Variants in KCNJ6 observed in about 807,000 individuals in gnomAD.
The protein encoded by KCNJ6 is potassium inwardly rectifying channel subfamily J member 6.
A neutral mutation model predicts 34.2 loss-of-function variants in KCNJ6; 9 were observed. The ratio of observed to expected loss-of-function variants is 0.26; its 90% CI spans 0.16 to 0.46. The LOEUF (loss-of-function observed/expected upper bound fraction) is 0.46. Ranked by LOEUF, KCNJ6 falls within the 20% of genes least tolerant of loss-of-function variation. The pLI is 1.00. For synonymous variants in KCNJ6, 196 were observed against 207.1 expected, an observed-to-expected ratio of 0.95 and a Z score of 0.46; for missense variants, 236 against 531.3, an observed-to-expected ratio of 0.44 and a Z score of 5.46.
At chr21:37,702,320 G>A (rs773454987) in intron 3 of KCNJ6, among the ~76,000 whole-genome samples, 3 of 150,032 alleles carry the variant, frequency 2.0e-5, no homozygotes, top group South Asian at 2.1e-4. Context: ...CCAGTTGAAC[G>A]TCACGGCCTC....
intron 1 of KCNJ6, among the ~76,000 whole-genome samples, chr21:37,900,488 G>A (rs910585006): frequency 6.6e-6 from 1 of 152,202 alleles, no homozygotes; most frequent in Non-Finnish European, 1.5e-5. Flanking sequence ...TATTGCAGGA[G>A]ACAGAAAATA....
intron 2 of KCNJ6, among the ~76,000 whole-genome samples, chr21:37,768,679 G>T (rs1290872469): frequency 6.6e-6 from 1 of 152,140 alleles, no homozygotes; most frequent in East Asian, 1.9e-4. Flanking sequence ...CTTAGATGTA[G>T]CTATCATTAT....
chr21:37,832,017 C>T (rs575536349), intron 2 of KCNJ6, among the ~76,000 whole-genome samples: 2 of 152,176 alleles, frequency 1.3e-5, no homozygotes, highest in South Asian at 2.1e-4. Flanking sequence ...CCCAAACCTC[C>T]TTTATAAAGG....
At chr21:37,638,254 C>G (rs1204834248) in intron 3 of KCNJ6, among the ~76,000 whole-genome samples, 1 of 152,202 alleles carries the variant, frequency 6.6e-6, no homozygotes, top group Non-Finnish European at 1.5e-5. Context: ...TCAAGTGATT[C>G]TCCTGCCTCA....
At chr21:37,784,617 A>C (rs1418590253) in intron 2 of KCNJ6, among the ~76,000 whole-genome samples, 1 of 152,160 alleles carries the variant, frequency 6.6e-6, no homozygotes, top group Non-Finnish European at 1.5e-5. Context: ...ATGAGCTTGC[A>C]AACTGTCACA....
chr21:37,873,570 CT>C (rs1200607313), intron 1 of KCNJ6, among the ~76,000 whole-genome samples: 2 of 152,200 alleles, frequency 1.3e-5, no homozygotes, highest in African/African-American at 4.8e-5. Context: ...CTCGTCTAGG[CT>C]TGGTGTCTTT....
At chr21:37,700,460 C>T (rs1225529231) in intron 3 of KCNJ6, among the ~76,000 whole-genome samples, 1 of 152,200 alleles carries the variant, frequency 6.6e-6, no homozygotes, top group Admixed American at 6.5e-5. Context: ...TGGTTGGTCT[C>T]TATTCTCTAG....
chr21:37,778,650 A>T (rs1410837288), intron 2 of KCNJ6, among the ~76,000 whole-genome samples: 3 of 150,934 alleles, frequency 2.0e-5, no homozygotes, highest in Non-Finnish European at 4.4e-5. Context: ...AGGTCCCTGG[A>T]CTCTGGCCCC....
chr21:37,896,095 A>G (rs538398220), intron 1 of KCNJ6, among the ~76,000 whole-genome samples: 34 of 152,298 alleles, frequency 2.2e-4, no homozygotes, highest in African/African-American at 7.2e-4. Context: ...GTCGGAAGGA[A>G]GAGGTGAGAA....
intron 1 of KCNJ6, among the ~76,000 whole-genome samples, chr21:37,891,068 G>A (rs2055759755): frequency 6.6e-6 from 1 of 152,172 alleles, no homozygotes; most frequent in Admixed American, 6.5e-5. Flanking sequence ...ACTGTACGAT[G>A]CTCACCTACC....
intron 2 of KCNJ6, among the ~76,000 whole-genome samples, chr21:37,837,866 T>C (rs1179691267): frequency 6.6e-6 from 1 of 152,200 alleles, no homozygotes; most frequent in Non-Finnish European, 1.5e-5. Flanking sequence ...AAAATAAGTG[T>C]GTGGTATATT....
chr21:37,769,448 A>AT (rs1211863675), intron 2 of KCNJ6, among the ~76,000 whole-genome samples: 2 of 148,852 alleles, frequency 1.3e-5, no homozygotes, highest in African/African-American at 4.9e-5. Context: ...TATTATTACT[A>AT]TATTTTTTTA....
At chr21:37,834,619 G>A (rs2055442937) in intron 2 of KCNJ6, among the ~76,000 whole-genome samples, 1 of 152,170 alleles carries the variant, frequency 6.6e-6, no homozygotes, top group Admixed American at 6.5e-5. Flanking sequence ...CCATAAAAAA[G>A]GGAATAAATG....
At chr21:37,796,731 T>C (rs1262222943) in intron 2 of KCNJ6, among the ~76,000 whole-genome samples, 4 of 151,770 alleles carry the variant, frequency 2.6e-5, no homozygotes, top group Non-Finnish European at 4.4e-5. Context: ...ACAGTTGCAG[T>C]TGGCCTCTCT....
chr21:37,649,750 CTGTT>C (rs763493237), intron 3 of KCNJ6, among the ~76,000 whole-genome samples: 45 of 152,144 alleles, frequency 3.0e-4, no homozygotes, highest in Non-Finnish European at 5.7e-4. Flanking sequence ...TATTTCCTAT[CTGTT>C]TGTTCTATGT....
intron 2 of KCNJ6, among the ~76,000 whole-genome samples, chr21:37,732,768 T>C (rs2054892378): frequency 6.6e-6 from 1 of 152,140 alleles, no homozygotes; most frequent in Non-Finnish European, 1.5e-5. Context: ...AAAATTGAAT[T>C]TCATTTTCTC....
intron 1 of KCNJ6, among the ~76,000 whole-genome samples, chr21:37,907,604 GCT>G (rs1212914115): frequency 6.6e-6 from 1 of 152,144 alleles, no homozygotes; most frequent in Non-Finnish European, 1.5e-5. Flanking sequence ...CCTCTGCCCC[GCT>G]CTGACTACTG....
chr21:37,859,461 A>ATTTGATACTCTTT (rs1555850907), intron 1 of KCNJ6, among the ~76,000 whole-genome samples: 1 of 130,078 alleles, frequency 7.7e-6, no homozygotes, highest in Non-Finnish European at 1.6e-5. Flanking sequence ...CATTGTCCAC[A>ATTTGATACTCTTT]ATTTTAACTA....
chr21:37,773,128 CTGTT>C (rs2055125292), intron 2 of KCNJ6, among the ~76,000 whole-genome samples: 1 of 152,224 alleles, frequency 6.6e-6, no homozygotes, highest in South Asian at 2.1e-4. Flanking sequence ...TGCTAAATAA[CTGTT>C]TGTGGATGAT....
Sources: allele counts gnomAD v4.1 joint callset (sites outside exome capture counted in the v4.1 genomes callset), GRCh38; gene constraint gnomAD v4.1.1; transcripts MANE v1.5; gene names NCBI Gene and HGNC (gene_info 2026-07-23, HGNC 2026-07-21).